NRXN1: variants seen among roughly 807,000 people sequenced by gnomAD.
NRXN1 encodes the protein neurexin 1, also known as neurexin-1.
In NRXN1, 39 loss-of-function variants were observed where a neutral mutation model predicts 150.9. The observed-to-expected ratio is 0.26, with a 90% CI of 0.20 to 0.34. NRXN1 has a LOEUF of 0.34. NRXN1 is among the 10% of genes least tolerant of loss of function. The pLI is 1.00. For synonymous variants in NRXN1, 924 were observed against 757.0 expected (o/e 1.22, Z -3.62); for missense variants, 1,815 against 1,949.9 (o/e 0.93, Z 1.30).
intron 5 of NRXN1, among the ~76,000 whole-genome samples, chr2:50,864,887 T>C (rs1162249775): frequency 2.0e-5 from 3 of 151,996 alleles, no homozygotes; most frequent in Non-Finnish European, 4.4e-5. Flanking sequence ...TCTCCAGAGA[T>C]TCAGCAAGTC....
At chr2:50,458,799 C>A (rs2087860824) in intron 17 of NRXN1, among the ~76,000 whole-genome samples, 1 of 152,024 alleles carries the variant, frequency 6.6e-6, no homozygotes, top group South Asian at 2.1e-4. Flanking sequence ...CCAGGATGGT[C>A]TCGAACTCCT....
intron 5 of NRXN1, among the ~76,000 whole-genome samples, chr2:50,866,856 C>T (rs895622455): frequency 6.6e-6 from 1 of 151,888 alleles, no homozygotes; most frequent in Non-Finnish European, 1.5e-5. Flanking sequence ...ATTCATTAAA[C>T]TTGGCTCCTT....
At chr2:50,557,180 C>T (rs1488353639) in intron 8 of NRXN1, among the ~76,000 whole-genome samples, 2 of 152,164 alleles carry the variant, frequency 1.3e-5, no homozygotes, top group Non-Finnish European at 2.9e-5. Flanking sequence ...GCTCTTTCAA[C>T]AGAGCGGGAG....
intron 5 of NRXN1, among the ~76,000 whole-genome samples, chr2:50,845,480 T>A (rs1031247374): frequency 6.6e-6 from 1 of 152,202 alleles, no homozygotes; most frequent in South Asian, 2.1e-4. Flanking sequence ...ATTCCAATCA[T>A]CCTCTATTGA....
At chr2:50,882,751 A>G (rs1487955300) in intron 5 of NRXN1, among the ~76,000 whole-genome samples, 1 of 151,854 alleles carries the variant, frequency 6.6e-6, no homozygotes, top group Non-Finnish European at 1.5e-5. Flanking sequence ...AATTCCTTCA[A>G]CCATAAATTA....
intron 5 of NRXN1, among the ~76,000 whole-genome samples, 155 bp from the exon 6 acceptor site, chr2:50,623,770 G>A (rs563246474): frequency 6.6e-6 from 1 of 152,016 alleles, no homozygotes; most frequent in East Asian, 1.9e-4. Flanking sequence ...TACTGTACAG[G>A]GCAGTATTTT....
intron 19 of NRXN1, among the ~76,000 whole-genome samples, chr2:50,084,711 C>T (rs1324880923): frequency 6.6e-5 from 10 of 152,118 alleles, no homozygotes; most frequent in Admixed American, 2.0e-4. Flanking sequence ...GCGCCGAGGC[C>T]GAGGAGGCAC....
At chr2:50,279,636 A>G (rs1415776198) in intron 17 of NRXN1, among the ~76,000 whole-genome samples, 1 of 152,186 alleles carries the variant, frequency 6.6e-6, no homozygotes, top group African/African-American at 2.4e-5. Flanking sequence ...AAGTAAATCA[A>G]ACTGAAAATG....
rs150540957 is a variant in NRXN1, at chr2:50,810,747, C to A, written c.832+111122G>T. Among the ~76,000 whole-genome samples the A allele has an allele frequency of 7.3e-3, 1,106 of 152,228 alleles. 11 individuals are homozygous for A. The highest frequency in any genetic ancestry group is 0.017 in the Middle Eastern group (5 of 294). ...CTGTAATCCCAGCACTTTGGGAGGA[C>A]TAGGCAGGTGGATCAAGAGGTCAGG... On this transcript the variant is annotated intron_variant, in intron 5 of 22. Coordinates refer to ENST00000401669, the MANE Select transcript of NRXN1 (RefSeq NM_001330078.2).
intron 18 of NRXN1, among the ~76,000 whole-genome samples, chr2:50,234,133 C>T (rs1468016498): frequency 2.0e-5 from 3 of 151,840 alleles, no homozygotes; most frequent in African/African-American, 7.3e-5. Flanking sequence ...TGGGAAAGTG[C>T]TGGAGGTAAA....
chr2:50,494,029 A>T (rs2091417711), intron 15 of NRXN1, among the ~76,000 whole-genome samples: 1 of 152,150 alleles, frequency 6.6e-6, no homozygotes, highest in African/African-American at 2.4e-5. Flanking sequence ...GTGTGTAAGT[A>T]CCCCCACCAG....
intron 19 of NRXN1, among the ~76,000 whole-genome samples, chr2:50,066,277 G>C (rs1029315577): frequency 2.0e-5 from 3 of 152,174 alleles, no homozygotes; most frequent in African/African-American, 7.2e-5. Flanking sequence ...TTGTTGAAGA[G>C]CTTACACGTT....
rs1329751725 is a variant in NRXN1, at chr2:50,414,906, T to C, written c.3364+50536A>G. Among the ~76,000 whole-genome samples, 4 of 152,266 alleles carry C rather than the reference T, an allele frequency of 2.6e-5. No homozygotes were observed. The East Asian group carries it at 7.7e-4, about 29-fold the overall frequency. ...TTAAGAAAATTTCATTTGAAACCTA[T>C]TAATTTCAGAAACAAACCATACATA... On this transcript the variant is annotated intron_variant, in intron 17 of 22. Transcript: ENST00000401669.
At chr2:50,194,376 C>A (rs1178732091) in intron 18 of NRXN1, among the ~76,000 whole-genome samples, 4 of 152,032 alleles carry the variant, frequency 2.6e-5, no homozygotes, top group Non-Finnish European at 4.4e-5. Flanking sequence ...TATGAACTGA[C>A]CCTAAGGGCT....
intron 17 of NRXN1, among the ~76,000 whole-genome samples, chr2:50,351,404 T>C (rs2078402295): frequency 6.6e-6 from 1 of 152,204 alleles, no homozygotes; most frequent in Non-Finnish European, 1.5e-5. Context: ...TCTCTAATTA[T>C]GATGTGGCTG....
intron 8 of NRXN1, among the ~76,000 whole-genome samples, chr2:50,612,844 C>T (rs183323331): frequency 6.6e-6 from 1 of 152,246 alleles, no homozygotes; most frequent in Admixed American, 6.5e-5. Context: ...TATTATTAAC[C>T]TGCGTGCGTT....
chr2:50,230,041 C>T (rs1369412316), intron 18 of NRXN1, among the ~76,000 whole-genome samples: 1 of 152,036 alleles, frequency 6.6e-6, no homozygotes, highest in Non-Finnish European at 1.5e-5. Flanking sequence ...CAGGATGGAG[C>T]AGAATCAATG....
chr2:50,842,759 T>C (rs1185763419), intron 5 of NRXN1, among the ~76,000 whole-genome samples: 1 of 152,160 alleles, frequency 6.6e-6, no homozygotes, highest in Non-Finnish European at 1.5e-5. Flanking sequence ...ACCCCTTCAA[T>C]TATCACATTG....
chr2:50,590,300 AAT>A (rs758400035), intron 8 of NRXN1, among the ~76,000 whole-genome samples: 1 of 152,068 alleles, frequency 6.6e-6, no homozygotes, highest in Non-Finnish European at 1.5e-5. Context: ...GTGCTTGTAC[AAT>A]ATATATATAC....
Sources: gnomAD v4.1 joint callset for allele counts (sites outside exome capture counted in the v4.1 genomes callset) on GRCh38, gnomAD v4.1.1 for gene constraint, MANE v1.5 for transcripts, NCBI Gene and HGNC (gene_info 2026-07-23, HGNC 2026-07-21) for gene names.